The following FCHO2 variants were observed in gnomAD, a reference collection of about 807,000 sequenced individuals.
FCHO2 encodes F-BAR domain only protein 2.
In FCHO2, 43 loss-of-function variants were observed where a neutral mutation model predicts 114.1. The ratio of observed to expected loss-of-function variants is 0.38; its 90% CI spans 0.30 to 0.49. The LOEUF is 0.49. Ranked by LOEUF, FCHO2 falls within the 20% of genes least tolerant of loss-of-function variation. The probability of loss-of-function intolerance (pLI) is 0.97; values close to 1 mark genes in which losing one functional copy is unlikely to be tolerated. For synonymous variants in FCHO2, 293 were observed against 315.2 expected (o/e 0.93, Z 0.75); for missense variants, 807 against 950.4 (o/e 0.85, Z 1.98).
intron 10 of FCHO2, chr5:73,037,757 C>CTT: frequency 2.6e-6 from 1 of 391,328 alleles, no homozygotes; most frequent in Non-Finnish European, 5.0e-6. Flanking sequence ...TCTGATTTAC[C>CTT]TTCTTTTTTT....
At chr5:72,992,308 AC>A (rs1357040462) in intron 5 of FCHO2, among the ~76,000 whole-genome samples, 1 of 152,224 alleles carries the variant, frequency 6.6e-6, no homozygotes, top group Non-Finnish European at 1.5e-5. Flanking sequence ...AAAATGAGAC[AC>A]AGTAAATTCA....
At chr5:73,039,452 A>G (rs550320764) in intron 10 of FCHO2, among the ~76,000 whole-genome samples, 2 of 152,360 alleles carry the variant, frequency 1.3e-5, no homozygotes, top group African/African-American at 4.8e-5. Flanking sequence ...AAGAAAGTAG[A>G]AATGTTCTAA....
rs955418447 is a variant in FCHO2 at position 73,047,919 on chromosome 5, C to T, written c.940-3430C>T. ...TGGCACCATCTGGGCTCACTGCAACCTCTACCTCCCAGGCTTAAGCGATCC... is the reference window on the plus strand; with the variant it reads ...TGGCACCATCTGGGCTCACTGCAACTTCTACCTCCCAGGCTTAAGCGATCC... On this transcript the variant is annotated intron_variant, in intron 11 of 25. Coordinates refer to ENST00000430046, the MANE Select transcript of FCHO2 (RefSeq NM_138782.3). 9.9e-5 allele frequency among the ~76,000 whole-genome samples: 15 copies of T among 152,236 alleles called. No individual in the cohort carries two copies. In the South Asian group the frequency reaches 2.5e-3, roughly 25 times the overall value.
intron 19 of FCHO2, among the ~76,000 whole-genome samples, chr5:73,073,339 T>G (rs1161222564): frequency 6.6e-6 from 1 of 152,100 alleles, no homozygotes; most frequent in Non-Finnish European, 1.5e-5. Context: ...AAGGATAAAA[T>G]TAAAGGTCTT....
At chr5:72,993,969 A>T (rs1390321001) in intron 5 of FCHO2, among the ~76,000 whole-genome samples, 2 of 152,182 alleles carry the variant, frequency 1.3e-5, no homozygotes, top group Non-Finnish European at 2.9e-5. Flanking sequence ...TTTTTACACC[A>T]TATACAAAAA....
At chr5:73,010,633 T>G (rs1175661196) in intron 6 of FCHO2, among the ~76,000 whole-genome samples, 1 of 151,814 alleles carries the variant, frequency 6.6e-6, no homozygotes, top group Non-Finnish European at 1.5e-5. Flanking sequence ...TCCCAGCACT[T>G]TTGGAGGCTG....
intron 12 of FCHO2, 106 bp downstream of exon 12, chr5:73,051,512 A>C: frequency 1.5e-6 from 1 of 676,900 alleles, no homozygotes; most frequent in African/African-American, 1.9e-5. Context: ...ATTAATTATA[A>C]AATATGGTTC....
chr5:72,989,055 C>G (rs1580056511), intron 2 of FCHO2, among the ~76,000 whole-genome samples: 1 of 152,152 alleles, frequency 6.6e-6, no homozygotes, highest in Non-Finnish European at 1.5e-5. Context: ...CAAAAAAATA[C>G]AAAACTTAGC....
intron 1 of FCHO2, 115 bp downstream of exon 1, chr5:72,956,244 C>A: frequency 7.3e-7 from 1 of 1,378,756 alleles, no homozygotes; most frequent in Non-Finnish European, 9.8e-7. Flanking sequence ...GGCGAGCGTC[C>A]TCCTGCCGCG....
intron 2 of FCHO2, among the ~76,000 whole-genome samples, chr5:72,987,089 G>A (rs1293268602): frequency 6.6e-6 from 1 of 151,648 alleles, no homozygotes; most frequent in Non-Finnish European, 1.5e-5. Flanking sequence ...TGTTAGCCAG[G>A]ATGGTCTCGA....
intron 2 of FCHO2, among the ~76,000 whole-genome samples, chr5:72,972,808 TG>T (rs1395677979): frequency 6.6e-6 from 1 of 152,154 alleles, no homozygotes; most frequent in Admixed American, 6.5e-5. Context: ...TTCCAGTTTT[TG>T]CCCATTCAGT....
rs750872864 is a variant in FCHO2, at chr5:73,068,769, T to C, written c.1569T>C (p.Thr523=). ...SSSASLSAAN[T]PTVGVSRGPS... ...CTGCTTCATTGAGTGCTGCCAATAC[T>C]CCAACAGTAGGTAAGTGATTATCAT... Residue 523 remains threonine, a synonymous_variant, in exon 19 of 26, where the codon ACT becomes ACC. Coordinates refer to ENST00000430046, the MANE Select transcript of FCHO2 (RefSeq NM_138782.3). The C allele has an allele frequency of 1.2e-6, 2 of 1,611,676 alleles. No homozygotes were observed. The highest frequency in any genetic ancestry group is 1.7e-6 in the Non-Finnish European group (2 of 1,178,584).
chr5:73,017,935 G>A (rs2112748232), intron 8 of FCHO2, among the ~76,000 whole-genome samples: 1 of 152,200 alleles, frequency 6.6e-6, no homozygotes, highest in South Asian at 2.1e-4. Context: ...ATGTTATGAT[G>A]TATCAAATGT....
chr5:72,968,742 A>G (rs1752342375), intron 2 of FCHO2, among the ~76,000 whole-genome samples, 153 bp downstream of exon 2: 1 of 152,196 alleles, frequency 6.6e-6, no homozygotes, highest in Non-Finnish European at 1.5e-5. Flanking sequence ...TGTATCTATC[A>G]TCTACACAGC....
intron 11 of FCHO2, among the ~76,000 whole-genome samples, chr5:73,045,519 T>C (rs529901241): frequency 6.6e-6 from 1 of 152,232 alleles, no homozygotes; most frequent in African/African-American, 2.4e-5. Flanking sequence ...ACATTTTGGT[T>C]GTTTTTCAAT....
At chr5:72,959,038 G>A (rs1751710616) in intron 1 of FCHO2, among the ~76,000 whole-genome samples, 1 of 152,122 alleles carries the variant, frequency 6.6e-6, no homozygotes, top group African/African-American at 2.4e-5. Flanking sequence ...ATTCTGGAGA[G>A]ACCTCCAAAT....
intron 11 of FCHO2, among the ~76,000 whole-genome samples, chr5:73,041,666 A>C (rs1756810298): frequency 6.6e-6 from 1 of 152,108 alleles, no homozygotes; most frequent in Admixed American, 6.5e-5. Context: ...GCTCTATTAA[A>C]ATACAACATT....
At chr5:72,962,732 A>C (rs1421002166) in intron 1 of FCHO2, among the ~76,000 whole-genome samples, 3 of 152,136 alleles carry the variant, frequency 2.0e-5, no homozygotes, top group South Asian at 4.1e-4. Flanking sequence ...GTCTCTACTA[A>C]AAATACAAAA....
At chr5:73,066,886 C>T (rs1468602018) in intron 18 of FCHO2, among the ~76,000 whole-genome samples, 1 of 151,976 alleles carries the variant, frequency 6.6e-6, no homozygotes, top group Non-Finnish European at 1.5e-5. Flanking sequence ...GTTTCAGAAA[C>T]ATTGTTTTAA....
Sources: allele counts gnomAD v4.1 joint callset (sites outside exome capture counted in the v4.1 genomes callset), GRCh38; gene constraint gnomAD v4.1.1; transcripts MANE v1.5; gene names NCBI Gene and HGNC (gene_info 2026-07-23, HGNC 2026-07-21).